Variants in UBE3C observed in about 807,000 individuals in gnomAD.
UBE3C encodes the protein ubiquitin-protein ligase E3C.
A neutral mutation model predicts 129.4 loss-of-function variants in UBE3C; 42 were observed. That is an observed-to-expected ratio of 0.32 (90% CI 0.25 to 0.42). The LOEUF (loss-of-function observed/expected upper bound fraction) is 0.42. Ranked by LOEUF, UBE3C falls within the 10% of genes least tolerant of loss-of-function variation. The pLI, the probability that UBE3C is intolerant of heterozygous loss-of-function variation, is 1.00. For synonymous variants in UBE3C, 510 were observed against 492.4 expected (o/e 1.04, Z -0.47); for missense variants, 1,049 against 1,319.1 (o/e 0.80, Z 3.17).
chr7:157,200,656 A>G (rs1465840684), intron 10 of UBE3C, among the ~76,000 whole-genome samples: 1 of 152,142 alleles, frequency 6.6e-6, no homozygotes, highest in Non-Finnish European at 1.5e-5. Context: ...TTGTTTTGAG[A>G]TAGGATCTCA....
chr7:157,223,387 C>T (rs775510002), intron 16 of UBE3C, 36 bp downstream of exon 16: 1 of 1,550,356 alleles, frequency 6.5e-7, no homozygotes, highest in Non-Finnish European at 8.8e-7. Flanking sequence ...CACTACGTAT[C>T]ATATTAGTGT....
At chr7:157,265,527 A>G (rs1436509887) in intron 22 of UBE3C, among the ~76,000 whole-genome samples, 2 of 152,246 alleles carry the variant, frequency 1.3e-5, no homozygotes, top group African/African-American at 4.8e-5. Flanking sequence ...AAAACCAGGT[A>G]CGTATTCATT....
intron 11 of UBE3C, among the ~76,000 whole-genome samples, chr7:157,204,098 G>T (rs1809363143): frequency 6.6e-6 from 1 of 152,136 alleles, no homozygotes; most frequent in Non-Finnish European, 1.5e-5. Context: ...TACTGAATGG[G>T]AATCACCTTT....
At position 157,267,859 on chromosome 7, in the gene UBE3C, C is replaced by G; in HGVS notation, c.*104C>G. ...CTCACACTGCACGCCTGAGGCTCTCCTAAGCTCCTTCTTTCATTCTGCCAT... is the reference window on the plus strand; with the variant it reads ...CTCACACTGCACGCCTGAGGCTCTCGTAAGCTCCTTCTTTCATTCTGCCAT... On this transcript the variant is annotated 3_prime_UTR_variant, in exon 23 of 23. Transcript: ENST00000348165. 2.1e-6 allele frequency: 2 copies of G among 970,706 alleles called. No individual in the cohort carries two copies. The highest frequency in any genetic ancestry group is 4.3e-5 in the South Asian group (2 of 46,706). The allele number at this position is 970,706 out of a possible 1,614,324, so 60.1% of individuals were successfully genotyped here.
intron 1 of UBE3C, 113 bp from the exon 2 acceptor site, chr7:157,163,697 G>T (rs1466120257): frequency 6.2e-6 from 7 of 1,136,768 alleles, no homozygotes; most frequent in Admixed American, 2.3e-5. Flanking sequence ...AAGACAGCTT[G>T]TTTGGATGAT....
At chr7:157,181,367 A>T in intron 6 of UBE3C, 151 bp from the exon 7 acceptor site, 2 of 650,922 alleles carry the variant, frequency 3.1e-6, no homozygotes, top group East Asian at 3.0e-5. Flanking sequence ...TCGGCTGCCT[A>T]TATATTTGTT....
At chr7:157,222,276 GTCTTTT>G (rs980903923) in intron 15 of UBE3C, 1 of 152,034 alleles carries the variant, frequency 6.6e-6, no homozygotes, top group African/African-American at 2.4e-5. Context: ...TCTGTGGCTT[GTCTTTT>G]TCTTTTCTTA....
At chr7:157,188,328 C>A (rs560277813) in intron 10 of UBE3C, among the ~76,000 whole-genome samples, 1 of 152,192 alleles carries the variant, frequency 6.6e-6, no homozygotes, top group African/African-American at 2.4e-5. Flanking sequence ...AGGAACCCAT[C>A]GGTTGAAATG....
At chr7:157,209,798 T>C (rs1809538811) in intron 13 of UBE3C, among the ~76,000 whole-genome samples, 1 of 152,246 alleles carries the variant, frequency 6.6e-6, no homozygotes, top group South Asian at 2.1e-4. Context: ...TATTTTGTTT[T>C]GGTTAAGCGT....
intron 1 of UBE3C, among the ~76,000 whole-genome samples, chr7:157,155,896 G>A (rs1427470953): frequency 2.6e-5 from 4 of 151,876 alleles, no homozygotes; most frequent in African/African-American, 7.3e-5. Context: ...GGCCTCGGTC[G>A]TTTCAGAGAC....
At chr7:157,183,754 G>A in intron 8 of UBE3C, 124 bp from the exon 9 acceptor site, 1 of 1,234,048 alleles carries the variant, frequency 8.1e-7, no homozygotes, top group Non-Finnish European at 1.1e-6. Flanking sequence ...AACACAGTTA[G>A]AATTTTAAAA....
At chr7:157,164,984 G>T (rs1050667589) in intron 2 of UBE3C, among the ~76,000 whole-genome samples, 7 of 152,088 alleles carry the variant, frequency 4.6e-5, no homozygotes, top group Non-Finnish European at 7.4e-5. Flanking sequence ...ATTCTTTGTT[G>T]GGGGGAACTG....
At chr7:157,195,914 C>G (rs1324056566) in intron 10 of UBE3C, among the ~76,000 whole-genome samples, 1 of 152,094 alleles carries the variant, frequency 6.6e-6, no homozygotes, top group Non-Finnish European at 1.5e-5. Context: ...AATAATGTTC[C>G]ATGTAAAACG....
At chr7:157,143,803 G>C (rs1807525880) in intron 1 of UBE3C, among the ~76,000 whole-genome samples, 1 of 152,186 alleles carries the variant, frequency 6.6e-6, no homozygotes, top group Non-Finnish European at 1.5e-5. Flanking sequence ...AGATTTGGGG[G>C]TTATCAACAG....
At chr7:157,248,752 G>T in intron 19 of UBE3C, 172 bp downstream of exon 19, 1 of 668,306 alleles carries the variant, frequency 1.5e-6, no homozygotes, top group Admixed American at 2.9e-5. Context: ...TAGCCCTGGC[G>T]TCTGAGCTGA....
intron 22 of UBE3C, among the ~76,000 whole-genome samples, chr7:157,260,405 C>T (rs1252907634): frequency 6.6e-6 from 1 of 152,048 alleles, no homozygotes; most frequent in Non-Finnish European, 1.5e-5. Context: ...TAGATGGGTC[C>T]CCTTCAGAGT....
chr7:157,158,467 A>G lies in UBE3C; in HGVS notation c.67-5343A>G, dbSNP rs375131226. 8.5e-5 allele frequency among the ~76,000 whole-genome samples: 13 copies of G among 152,324 alleles called. No homozygotes were observed. In the East Asian group the frequency reaches 1.7e-3, roughly 20 times the overall value. ...AGAGAACACTGCATCTGTGCGTTGT[A>G]TTTAATCACAAAGGCTAGAGCTGCT... On this transcript the variant is annotated intron_variant, in intron 1 of 22. Transcript: ENST00000348165.
Position 157,173,094 on chromosome 7 carries a change from C to A in UBE3C, c.343-1825C>A, listed in dbSNP as rs886974057. Among the ~76,000 whole-genome samples, 66 of 152,194 alleles carry A rather than the reference C, an allele frequency of 4.3e-4. 1 individual carries two copies. The highest frequency in any genetic ancestry group is 3.7e-3 in the Admixed American group (57 of 15,278). Reference sequence around the variant, plus strand: ...AGGAAAAGGATAAAAGAAAAGTGGGCTGGACACAGTGGCTCAGGCCTGTAA... The same window carrying A: ...AGGAAAAGGATAAAAGAAAAGTGGGATGGACACAGTGGCTCAGGCCTGTAA... On this transcript the variant is annotated intron_variant, in intron 4 of 22. Coordinates refer to ENST00000348165, the MANE Select transcript of UBE3C (RefSeq NM_014671.3).
chr7:157,226,547 C>T (rs1795884717), intron 17 of UBE3C, among the ~76,000 whole-genome samples: 1 of 152,104 alleles, frequency 6.6e-6, no homozygotes. Context: ...ATGAGTTGTC[C>T]AATGTGAAAT....
Sources: allele counts gnomAD v4.1 joint callset (sites outside exome capture counted in the v4.1 genomes callset), GRCh38; gene constraint gnomAD v4.1.1; transcripts MANE v1.5; gene names NCBI Gene and HGNC (gene_info 2026-07-23, HGNC 2026-07-21).